Variants in DMPK observed in about 807,000 individuals in gnomAD.
The protein encoded by DMPK is myotonin-protein kinase.
In DMPK, 32 loss-of-function variants were observed where a neutral mutation model predicts 70.3. The observed-to-expected ratio is 0.46, with a 90% CI of 0.34 to 0.61. The LOEUF is 0.61. Ranked by LOEUF, DMPK falls within the 20% of genes least tolerant of loss-of-function variation. The pLI is 0.01. For missense variants in DMPK, 899 were observed against 886.0 expected (o/e 1.01, Z -0.19); for synonymous variants, 469 against 390.9 (o/e 1.20, Z -2.36).
In DMPK at chr19:45,771,768, G is replaced by C; in HGVS notation, c.1502+3C>G. 2 of 1,578,124 alleles carry C rather than the reference G, an allele frequency of 1.3e-6. No individual in the cohort carries two copies. Among genetic ancestry groups the C allele is most frequent in the Non-Finnish European group, 1.7e-6 (2 of 1,161,600 alleles). On this transcript the variant is annotated splice_donor_region_variant and intron_variant, in intron 11 of 14. Coordinates refer to ENST00000291270, the MANE Select transcript of DMPK (RefSeq NM_004409.5). ...CGGCCCCGGCCCCGGCCCCGATCCC[G>C]ACCTGGCGAAGTTCTGGTTGTCCGT...
intron 14 of DMPK, 97 bp downstream of exon 14, chr19:45,770,863 CCCTCCTGCCGT>C: frequency 9.8e-7 from 1 of 1,025,020 alleles, no homozygotes; most frequent in East Asian, 2.8e-5. Flanking sequence ...CGAAGATCCG[CCCTCCTGCCGT>C]GGGCCCAGCC....
chr19:45,777,655 G>A lies in DMPK; in HGVS notation c.882+12C>T, dbSNP rs750253660. 7.4e-6 allele frequency: 12 copies of A among 1,613,878 alleles called. No individual in the cohort carries two copies. The highest frequency in any genetic ancestry group is 2.7e-5 in the African/African-American group (2 of 75,062). ...ACCGGGAGAGGCCAGGTCTCCCTGC[G>A]GCCGTGCTCACCTTGTAGTGGACGA... is the stretch of plus-strand genomic sequence containing the variant. On this transcript the variant is annotated intron_variant, in intron 7 of 14. Transcript: ENST00000291270. This position sits in a 1 kb window ranked among gnomAD's most constrained non-coding sequence, Gnocchi z 6.7.
At chr19:45,771,223 G>A in intron 13 of DMPK, 127 bp downstream of exon 13, 1 of 1,333,376 alleles carries the variant, frequency 7.5e-7, no homozygotes, top group Non-Finnish European at 1.0e-6. Context: ...TGAATAAAGG[G>A]CTTCTGCCCT....
rs533599401 is a variant in DMPK, at chr19:45,779,550, G to C, written c.253-28C>G. On this transcript the variant is annotated intron_variant, in intron 2 of 14. Coordinates refer to ENST00000291270, the MANE Select transcript of DMPK (RefSeq NM_004409.5). ...GAGGTCGAGATAGTGAGACAGAGTGGAGACGGCGGGAAAACAAAAGGGCTC... is the reference window on the plus strand; with the variant it reads ...GAGGTCGAGATAGTGAGACAGAGTGCAGACGGCGGGAAAACAAAAGGGCTC... The C allele has an allele frequency of 4.3e-6, 7 of 1,613,112 alleles. No individual in the cohort carries two copies. The South Asian group carries it at 7.7e-5, about 18-fold the overall frequency.
rs1969215114 is a variant in DMPK, at chr19:45,769,820, A to G, written c.*668T>C. 2.8e-5 allele frequency: 6 copies of G among 216,462 alleles called. No individual in the cohort carries two copies. The South Asian group carries it at 3.8e-4, about 14-fold the overall frequency. 13.4% of individuals were successfully genotyped at this position (216,462 alleles called of 1,614,324 possible). On this transcript the variant is annotated 3_prime_UTR_variant, in exon 15 of 15. Coordinates refer to ENST00000291270, the MANE Select transcript of DMPK (RefSeq NM_004409.5). ...GAATGTCGGGGTCTCAGTGCATCCA[A>G]AACGTGGATTGGGGTTGTTGGGGGT... is the stretch of plus-strand genomic sequence containing the variant.
chr19:45,778,800 A>C (rs1600442998), intron 4 of DMPK, 159 bp from the exon 5 acceptor site: 2 of 744,616 alleles, frequency 2.7e-6, no homozygotes, highest in Non-Finnish European at 2.1e-6. Flanking sequence ...CAAATCAGAG[A>C]CCACCTGCGG....
intron 14 of DMPK, 89 bp downstream of exon 14, chr19:45,770,882 G>A: frequency 8.9e-7 from 1 of 1,120,190 alleles, no homozygotes; most frequent in Non-Finnish European, 1.2e-6. Context: ...CGTGGGCCCA[G>A]CCCCGCAAAT....
Position 45,770,429 on chromosome 19 carries a change from C to A in DMPK, c.*59G>T. The A allele has an allele frequency of 6.5e-7, 1 of 1,540,202 alleles. No homozygotes were observed. The highest frequency in any genetic ancestry group is 1.2e-5 in the South Asian group (1 of 83,720). On this transcript the variant is annotated 3_prime_UTR_variant, in exon 15 of 15. Transcript: ENST00000291270. ...GCAGGCGGTGGGCGCGGCTTCTGTG[C>A]CGTGCCCCGGGCACTCAGTCTTCCA...
chr19:45,772,832 T>A, intron 9 of DMPK, 80 bp from the exon 10 acceptor site: 1 of 747,004 alleles, frequency 1.3e-6, no homozygotes, highest in Non-Finnish European at 2.0e-6. Context: ...GGCCTGTGGG[T>A]AGGGGCAGCT....
At chr19:45,781,718 A>G (rs1487545241) in intron 1 of DMPK, among the ~76,000 whole-genome samples, 1 of 152,166 alleles carries the variant, frequency 6.6e-6, no homozygotes, top group Non-Finnish European at 1.5e-5. Flanking sequence ...GCAGCTGGAG[A>G]GGCTGGCGCC....
intron 9 of DMPK, among the ~76,000 whole-genome samples, chr19:45,773,345 T>TG (rs1241716696): frequency 6.6e-6 from 1 of 152,222 alleles, no homozygotes; most frequent in Non-Finnish European, 1.5e-5. Flanking sequence ...GGTTCAATCC[T>TG]GACCCACCGT....
chr19:45,782,271 G>A lies in DMPK; in HGVS notation c.82C>T (p.Leu28Phe). 12 of 1,606,260 alleles carry A rather than the reference G, an allele frequency of 7.5e-6. No homozygotes were observed. The highest frequency in any genetic ancestry group is 1.0e-5 in the Non-Finnish European group (12 of 1,177,242). The change falls in exon 1 of 15, where the codon CTT becomes TTT. Residue 28 changes from leucine (L) to phenylalanine (F), a missense_variant. Leu to Phe is a conservative substitution (Grantham distance 22, BLOSUM62 0). This residue lies in a region of DMPK where 149 missense variants were observed against 142.5 expected (regional missense o/e 1.05). Transcript: ENST00000291270. ...GFLGLEPLLDLLLGVHQELGA... is the reference protein window; with the variant it reads ...GFLGLEPLLDFLLGVHQELGA... ...AGCTCCTGGTGGACGCCCAGGAGAA[G>A]GTCGAGCAGGGGCTCCAGCCCCAGG...
rs371923244 is a variant in DMPK, at chr19:45,779,879, T to G, written c.161-10A>C. 104 of 1,611,334 alleles carry G rather than the reference T, an allele frequency of 6.5e-5. No individual in the cohort carries two copies. The highest frequency in any genetic ancestry group is 1.7e-4 in the Middle Eastern group (1 of 6,048). The stretch of plus-strand genomic sequence containing the variant: ...ACCACGATGGGCTCCGCTGGGGGGG[T>G]GGTGGGGGAAAAGAACCGAGGGTCA... On this transcript the variant is annotated splice_polypyrimidine_tract_variant and intron_variant, in intron 1 of 14. Coordinates refer to ENST00000291270, the MANE Select transcript of DMPK (RefSeq NM_004409.5).
rs577648783 is a variant in DMPK at position 45,779,766 on chromosome 19, G to C, written c.252+12C>G. The C allele has an allele frequency of 1.6e-4, 206 of 1,283,602 alleles. 1 individual carries two copies. In the South Asian group the frequency reaches 2.4e-3, roughly 15 times the overall value. The allele number at this position is 1,283,602 out of a possible 1,614,324, so 79.5% of individuals were successfully genotyped here. A position where few individuals can be genotyped will look rare whatever the true frequency, so the allele number is the denominator to read the frequency against. ...CACGAGTCAAGTCAGGCTCCCGCCC[G>C]GTTCGGCTTACCTCGCTGAACGCCC... is the stretch of plus-strand genomic sequence containing the variant. On this transcript the variant is annotated intron_variant, in intron 2 of 14. Coordinates refer to ENST00000291270, the MANE Select transcript of DMPK (RefSeq NM_004409.5).
At chr19:45,775,402 C>T (rs1969726242) in intron 8 of DMPK, 1 of 142,880 alleles carries the variant, frequency 7.0e-6, no homozygotes, top group Non-Finnish European at 1.4e-5. Context: ...CTTCTGACCT[C>T]AAGTGATCCG....
rs1303462468 is a variant in DMPK, at chr19:45,779,780, C to A, written c.250G>T (p.Glu84Ter). 2.6e-6 allele frequency: 4 copies of A among 1,556,080 alleles called. No individual in the cohort carries two copies. Among genetic ancestry groups the A allele is most frequent in the Non-Finnish European group, 8.7e-7 (1 of 1,149,466 alleles). The change falls in exon 2 of 15, where the codon GAG becomes TAG. Residue 84 changes from glutamate (E) to a stop codon, truncating the protein, a stop_gained and splice_region_variant. Transcript: ENST00000291270. LOFTEE classifies it high-confidence loss of function. ...LKVIGRGAFSEVAVVKMKQTG... is the reference protein window; with the variant it reads ...LKVIGRGAFS ...GGCTCCCGCCCGGTTCGGCTTACCT[C>A]GCTGAACGCCCCGCGTCCGATCACC... is the stretch of plus-strand genomic sequence containing the variant.
chr19:45,771,181 T>A, intron 13 of DMPK, 121 bp from the exon 14 acceptor site: 1 of 1,171,486 alleles, frequency 8.5e-7, no homozygotes. Context: ...GGAGGGAATC[T>A]GGTGAGGCCT....
At chr19:45,778,282 T>C in intron 5 of DMPK, 62 bp from the exon 6 acceptor site, 1 of 1,510,506 alleles carries the variant, frequency 6.6e-7, no homozygotes, top group South Asian at 1.2e-5. Context: ...CCCACCAGGC[T>C]CCGCCCCTCC....
intron 5 of DMPK, 39 bp from the exon 6 acceptor site, chr19:45,778,259 T>TCC: frequency 6.4e-7 from 1 of 1,562,904 alleles, no homozygotes; most frequent in East Asian, 2.3e-5. Context: ...TAAATGAACC[T>TCC]CCCTTCTGTG....
Sources: gnomAD v4.1 joint callset for allele counts (sites outside exome capture counted in the v4.1 genomes callset) on GRCh38, gnomAD v4.1.1 for gene constraint, gnomAD v4.1.1 regional missense constraint, Gnocchi (gnomAD v3.1) non-coding constraint, MANE v1.5 for transcripts, NCBI Gene and HGNC (gene_info 2026-07-23, HGNC 2026-07-21) for gene names.